Variants in ADCY2 observed in about 807,000 individuals in gnomAD.
ADCY2 encodes adenylate cyclase 2, also known as adenylate cyclase type 2.
A neutral mutation model predicts 125.2 loss-of-function variants in ADCY2; 31 were observed. That is an observed-to-expected ratio of 0.25 (90% confidence interval 0.19 to 0.33). The LOEUF is 0.33. Among genes scored for constraint, ADCY2 ranks in the 10% least tolerant of loss-of-function variants. ADCY2 has a pLI of 1.00. For synonymous variants in ADCY2, 512 were observed against 548.4 expected, an observed-to-expected ratio of 0.93 and a Z score of 0.93; for missense variants, 904 against 1,418.2, an observed-to-expected ratio of 0.64 and a Z score of 5.82.
At chr5:7,639,330 G>A (rs565691922) in intron 4 of ADCY2, among the ~76,000 whole-genome samples, 1 of 152,278 alleles carries the variant, frequency 6.6e-6, no homozygotes, top group Admixed American at 6.5e-5. Context: ...TTCATAATAT[G>A]TATTAATCCA....
At chr5:7,474,888 T>C (rs139852036) in intron 2 of ADCY2, among the ~76,000 whole-genome samples, 1 of 152,250 alleles carries the variant, frequency 6.6e-6, no homozygotes. Flanking sequence ...TAAGAGAAAA[T>C]AACTCGGATG....
At chr5:7,415,616 A>C (rs1739909118) in intron 2 of ADCY2, among the ~76,000 whole-genome samples, 1 of 152,070 alleles carries the variant, frequency 6.6e-6, no homozygotes, top group East Asian at 1.9e-4. Context: ...TTCCCTCCAC[A>C]TGGTCACAAG....
chr5:7,768,403 C>T (rs1273078403), intron 17 of ADCY2, among the ~76,000 whole-genome samples: 2 of 152,104 alleles, frequency 1.3e-5, no homozygotes, highest in African/African-American at 2.4e-5. Context: ...GATCCAATGG[C>T]GTTAGCATCC....
intron 3 of ADCY2, among the ~76,000 whole-genome samples, chr5:7,569,467 A>G (rs1736006813): frequency 6.6e-6 from 1 of 152,174 alleles, no homozygotes; most frequent in Non-Finnish European, 1.5e-5. Context: ...TAAACAATGT[A>G]AGGATATGAT....
At chr5:7,667,091 G>A (rs1011219334) in intron 4 of ADCY2, among the ~76,000 whole-genome samples, 9 of 152,128 alleles carry the variant, frequency 5.9e-5, no homozygotes, top group African/African-American at 1.2e-4. Context: ...ACTCATGCTC[G>A]GGTAAATAAA....
chr5:7,771,860 A>G (rs1743565950), intron 17 of ADCY2, among the ~76,000 whole-genome samples: 1 of 152,234 alleles, frequency 6.6e-6, no homozygotes, highest in African/African-American at 2.4e-5. Context: ...TTTAAAAAAC[A>G]TCAATAAGAT....
intron 7 of ADCY2, among the ~76,000 whole-genome samples, chr5:7,698,723 T>A (rs184017123): frequency 6.6e-6 from 1 of 152,206 alleles, no homozygotes; most frequent in Non-Finnish European, 1.5e-5. Flanking sequence ...GAACTCATCG[T>A]TTTTTATGGC....
chr5:7,821,528 G>A (rs892130719), intron 24 of ADCY2, among the ~76,000 whole-genome samples: 1 of 152,180 alleles, frequency 6.6e-6, no homozygotes, highest in African/African-American at 2.4e-5. Context: ...CCGCACCCAC[G>A]TCCTGTGCTC....
At chr5:7,512,239 A>AAAAAAAAAAAAAAC in intron 2 of ADCY2, among the ~76,000 whole-genome samples, 2 of 150,994 alleles carry the variant, frequency 1.3e-5, no homozygotes, top group Admixed American at 6.6e-5. Context: ...AAAAAAAAAA[A>AAAAAAAAAAAAAAC]AGAAAACCAT....
At chr5:7,639,976 A>G (rs1030938539) in intron 4 of ADCY2, among the ~76,000 whole-genome samples, 32 of 152,138 alleles carry the variant, frequency 2.1e-4, no homozygotes, top group African/African-American at 7.5e-4. Context: ...GAAAGATGCA[A>G]TTTTTATGTC....
At chr5:7,397,260 G>T (rs944177548) in intron 1 of ADCY2, among the ~76,000 whole-genome samples, 2 of 152,084 alleles carry the variant, frequency 1.3e-5, no homozygotes, top group Non-Finnish European at 2.9e-5. Context: ...AACAGCTGAT[G>T]TCAGTTTTGC....
intron 23 of ADCY2, among the ~76,000 whole-genome samples, chr5:7,818,380 A>G (rs1160355312): frequency 6.8e-6 from 1 of 147,180 alleles, no homozygotes; most frequent in African/African-American, 2.5e-5. Context: ...TTTGTGAGAC[A>G]GAGTCTTGCT....
intron 2 of ADCY2, among the ~76,000 whole-genome samples, chr5:7,515,208 G>T (rs1021156836): frequency 6.6e-6 from 1 of 152,168 alleles, no homozygotes; most frequent in African/African-American, 2.4e-5. Flanking sequence ...TCACCCAGGG[G>T]GTTATGCCCA....
intron 11 of ADCY2, 132 bp downstream of exon 11, chr5:7,713,031 A>G: frequency 1.6e-6 from 1 of 637,534 alleles, no homozygotes; most frequent in South Asian, 2.3e-5. Flanking sequence ...GCCCTATTAA[A>G]TTGCTTTCAG....
At chr5:7,479,154 C>T (rs1257768817) in intron 2 of ADCY2, among the ~76,000 whole-genome samples, 2 of 151,780 alleles carry the variant, frequency 1.3e-5, no homozygotes, top group Non-Finnish European at 2.9e-5. Flanking sequence ...TGCATTGGTG[C>T]GTTTAGGGGT....
chr5:7,588,418 A>T (rs1408457423), intron 3 of ADCY2, among the ~76,000 whole-genome samples: 1 of 152,200 alleles, frequency 6.6e-6, no homozygotes, highest in Non-Finnish European at 1.5e-5. Flanking sequence ...CTTTTTTGGT[A>T]ACTGGATAAA....
chr5:7,545,820 T>C (rs944436388), intron 3 of ADCY2, among the ~76,000 whole-genome samples: 1 of 152,140 alleles, frequency 6.6e-6, no homozygotes, highest in Non-Finnish European at 1.5e-5. Context: ...AGGTAATCCC[T>C]TCCGTATGGG....
chr5:7,545,543 A>T (rs1257158087), intron 3 of ADCY2, among the ~76,000 whole-genome samples: 1 of 152,166 alleles, frequency 6.6e-6, no homozygotes, highest in Non-Finnish European at 1.5e-5. Context: ...AGAAGTTTCC[A>T]GTGAATGAAC....
chr5:7,797,134 G>A (rs897698485), intron 20 of ADCY2: 2 of 152,244 alleles, frequency 1.3e-5, no homozygotes, highest in African/African-American at 4.8e-5. Context: ...CTCTGCAGGA[G>A]GGTCAGGCTA....
Sources: allele counts gnomAD v4.1 joint callset (sites outside exome capture counted in the v4.1 genomes callset), GRCh38; gene constraint gnomAD v4.1.1; transcripts MANE v1.5; gene names NCBI Gene and HGNC (gene_info 2026-07-23, HGNC 2026-07-21).